Variants in DDO observed in about 807,000 individuals in gnomAD.
DDO encodes the protein D-aspartate oxidase, DDO.
DDO carries 16 observed loss-of-function variants against 16.8 expected under a neutral mutation model. The observed-to-expected ratio is 0.95, with a 90% CI of 0.65 to 1.45. The LOEUF (loss-of-function observed/expected upper bound fraction) is 1.45, where lower values mean the gene tolerates loss of function less well. DDO is among the 40% of genes most tolerant of loss of function. The pLI is 0.00. For synonymous variants in DDO, 180 were observed against 167.2 expected (o/e 1.08, Z -0.59); for missense variants, 429 against 420.3 (o/e 1.02, Z -0.18).
chr6:110,392,524 G>A lies in DDO; in HGVS notation c.*251C>T, dbSNP rs1267195841. On this transcript the variant is annotated 3_prime_UTR_variant, in exon 5 of 5. Transcript: ENST00000368924. ...TTGTTGGTGTTTTTTTTAGAGGTGGGAACTGGCACCTCTAAAAAATGTTAC... is the reference window on the plus strand; with the variant it reads ...TTGTTGGTGTTTTTTTTAGAGGTGGAAACTGGCACCTCTAAAAAATGTTAC... The A allele has an allele frequency of 1.7e-6, 2 of 1,185,778 alleles. No individual in the cohort carries two copies. Among genetic ancestry groups the A allele is most frequent in the Non-Finnish European group, 2.1e-6 (2 of 959,680 alleles). 73.5% of individuals were successfully genotyped at this position (1,185,778 alleles called of 1,614,324 possible).
chr6:110,401,118 G>A lies in DDO; in HGVS notation c.458+3656C>T, dbSNP rs143176421. On this transcript the variant is annotated intron_variant, in intron 4 of 4. Coordinates refer to ENST00000368924, the MANE Select transcript of DDO (RefSeq NM_001372108.2). ...TATGGATAGAGCGAGGGTGCTTCCC[G>A]GCATGCTCCTGGGCCCCTTTGCTGC... Among the ~76,000 whole-genome samples, 7 of 152,334 alleles carry A rather than the reference G, an allele frequency of 4.6e-5. 1 individual carries two copies. The highest frequency in any genetic ancestry group is 1.7e-4 in the African/African-American group (7 of 41,566).
intron 4 of DDO, among the ~76,000 whole-genome samples, chr6:110,394,805 C>T (rs1195746259): frequency 6.6e-6 from 1 of 152,222 alleles, no homozygotes. Flanking sequence ...AGGATACCTC[C>T]CTTGCCTGTC....
rs781366208 is a variant in DDO, at chr6:110,404,803, G to A, written c.429C>T (p.Cys143=). ...TCTCCAACCACGGGAGGTAGGCAGG[G>A]CATTCACATTTCAGGGTTGTAAAAG... ...GQAFTTLKCE[C]PAYLPWLEKR... The change falls in exon 4 of 5, where the codon TGC becomes TGT. Residue 143 remains cysteine (C), a synonymous_variant. Coordinates refer to ENST00000368924, the MANE Select transcript of DDO (RefSeq NM_001372108.2). The A allele has an allele frequency of 1.9e-6, 3 of 1,614,116 alleles. No individual in the cohort carries two copies. Among genetic ancestry groups the A allele is most frequent in the South Asian group, 2.2e-5 (2 of 91,076 alleles).
intron 4 of DDO, among the ~76,000 whole-genome samples, chr6:110,396,785 G>A (rs1196144617): frequency 1.3e-5 from 2 of 152,156 alleles, no homozygotes; most frequent in African/African-American, 4.8e-5. Context: ...GGGACAGATT[G>A]TTTTTGGCTC....
chr6:110,392,909 G>A lies in DDO; in HGVS notation c.892C>T (p.Leu298=), dbSNP rs1339407496. Reference sequence around the variant, plus strand: ...TGGCCATAGTGGTGGACTACAGGCAGCCTCTGTCCATCTCGCGCAAGGAGC... The same window carrying A: ...TGGCCATAGTGGTGGACTACAGGCAACCTCTGTCCATCTCGCGCAAGGAGC... ...TELLARDGQR[L]PVVHHYGHGS... The change falls in exon 5 of 5, where the codon CTG becomes TTG. Residue 298 remains leucine, a synonymous_variant. Transcript: ENST00000368924. 4 of 1,614,140 alleles carry A rather than the reference G, an allele frequency of 2.5e-6. No individual in the cohort carries two copies. The highest frequency in any genetic ancestry group is 1.3e-5 in the African/African-American group (1 of 74,952).
intron 3 of DDO, 76 bp from the exon 4 acceptor site, chr6:110,405,026 C>A: frequency 1.5e-6 from 2 of 1,344,844 alleles, no homozygotes; most frequent in South Asian, 1.3e-5. Flanking sequence ...ACATGACATT[C>A]TCTAGAGCAT....
Position 110,404,795 on chromosome 6 carries a change from T to C in DDO, c.437A>G (p.Tyr146Cys), listed in dbSNP as rs1395837871. ...TGACCTTTTCTCCAACCACGGGAGGTAGGCAGGGCATTCACATTTCAGGGT... is the reference window on the plus strand; with the variant it reads ...TGACCTTTTCTCCAACCACGGGAGGCAGGCAGGGCATTCACATTTCAGGGT... ...FTTLKCECPA[Y>C]LPWLEKRIKG... Residue 146 changes from tyrosine to cysteine, a missense_variant, in exon 4 of 5, where the codon TAC becomes TGC. Tyr to Cys is a radical substitution (Grantham distance 194). Transcript: ENST00000368924. 6.2e-7 allele frequency: 1 copy of C among 1,613,882 alleles called. No individual in the cohort carries two copies. The highest frequency in any genetic ancestry group is 1.7e-5 in the Admixed American group (1 of 59,994).
intron 4 of DDO, among the ~76,000 whole-genome samples, chr6:110,400,180 G>T (rs1002482896): frequency 3.3e-5 from 5 of 152,244 alleles, no homozygotes; most frequent in African/African-American, 1.2e-4. Context: ...ACACAGAGAT[G>T]ATGGAACTAC....
chr6:110,402,926 G>A (rs1326652336), intron 4 of DDO, among the ~76,000 whole-genome samples: 1 of 152,052 alleles, frequency 6.6e-6, no homozygotes, highest in Non-Finnish European at 1.5e-5. Context: ...GAGACCACAG[G>A]GCTCCAGCCA....
intron 3 of DDO, among the ~76,000 whole-genome samples, chr6:110,407,646 A>T (rs2114834247): frequency 6.6e-6 from 1 of 152,354 alleles, no homozygotes; most frequent in Non-Finnish European, 1.5e-5. Flanking sequence ...GATGACACTG[A>T]GAAGTAAATT....
rs765654047 is a variant in DDO at position 110,392,880 on chromosome 6, C to T, written c.921G>A (p.Gly307=). Residue 307 remains glycine (G), a synonymous_variant, in exon 5 of 5, where the codon GGG becomes GGA. Transcript: ENST00000368924. ...RLPVVHHYGH[G]SGGISVHWGT... ...CCCAGTGCACTGAGATGCCCCCACT[C>T]CCATGGCCATAGTGGTGGACTACAG... The T allele has an allele frequency of 7.4e-6, 12 of 1,614,094 alleles. No homozygotes were observed. The highest frequency in any genetic ancestry group is 1.0e-5 in the Non-Finnish European group (12 of 1,180,046).
At chr6:110,389,725 A>G (rs1351680023), downstream of DDO, among the ~76,000 whole-genome samples, 1 of 152,150 alleles carries the variant, frequency 6.6e-6, no homozygotes, top group Admixed American at 6.5e-5. Context: ...GTGGGGGCAA[A>G]AATTAGGGAT....
chr6:110,410,995 G>A (rs1773837364), intron 2 of DDO, among the ~76,000 whole-genome samples: 1 of 152,092 alleles, frequency 6.6e-6, no homozygotes, highest in Admixed American at 6.6e-5. Context: ...ACCAGCAAAG[G>A]CAGGGATGCC....
chr6:110,414,204 T>C (rs1411932052), intron 1 of DDO, among the ~76,000 whole-genome samples: 1 of 152,172 alleles, frequency 6.6e-6, no homozygotes, highest in Non-Finnish European at 1.5e-5. Flanking sequence ...CATGAGCAAC[T>C]CAAAACTCAA....
chr6:110,390,282 A>T (rs537050284), downstream of DDO, among the ~76,000 whole-genome samples: 81 of 152,324 alleles, frequency 5.3e-4, 2 homozygotes, highest in South Asian at 3.1e-3. Flanking sequence ...AACTTTGTGG[A>T]CAGCTTTAAG....
intron 4 of DDO, among the ~76,000 whole-genome samples, chr6:110,403,475 AAT>A (rs1773549218): frequency 6.6e-6 from 1 of 152,160 alleles, no homozygotes; most frequent in Non-Finnish European, 1.5e-5. Context: ...GATAGCTCAA[AAT>A]ATACGTTTAT....
Position 110,392,989 on chromosome 6 carries a change from A to C in DDO, c.812T>G (p.Ile271Ser). ...LEPSLHGACN[I>S]REKVGLRPYR... is the part of the protein sequence containing the mutation. ...GGGCCTCAAGCCCACCTTCTCCCTG[A>C]TGTTGCAGGCTCCGTGGAGGGAGGG... Residue 271 changes from isoleucine (I) to serine (S), a missense_variant, in exon 5 of 5, where the codon ATC (isoleucine) becomes AGC (serine). Transcript: ENST00000368924. 4 of 1,612,118 alleles carry C rather than the reference A, an allele frequency of 2.5e-6. No homozygotes were observed. The highest frequency in any genetic ancestry group is 3.4e-6 in the Non-Finnish European group (4 of 1,178,272).
rs148396640 is a variant in DDO at position 110,392,923 on chromosome 6, C to T, written c.878G>A (p.Arg293Gln). The T allele has an allele frequency of 5.9e-4, 953 of 1,614,246 alleles. 4 individuals carry two copies. In the African/African-American group the frequency reaches 0.011, roughly 18 times the overall value. ...GACTACAGGCAGCCTCTGTCCATCT[C>T]GCGCAAGGAGCTCTGTCTGCAGTCG... is the stretch of plus-strand genomic sequence containing the variant. ...GVRLQTELLA[R>Q]DGQRLPVVHH... Residue 293 changes from arginine to glutamine, a missense_variant, in exon 5 of 5, where the codon CGA becomes CAA. Physicochemically the swap from Arg to Gln is conservative, Grantham distance 43 (BLOSUM62 1). Coordinates refer to ENST00000368924, the MANE Select transcript of DDO (RefSeq NM_001372108.2).
downstream of DDO, among the ~76,000 whole-genome samples, chr6:110,389,033 A>C (rs1773059086): frequency 1.3e-5 from 2 of 152,258 alleles, no homozygotes; most frequent in Admixed American, 6.5e-5. Context: ...CTGGGTGTAT[A>C]TATGAGGATA....
Sources: allele counts gnomAD v4.1 joint callset (sites outside exome capture counted in the v4.1 genomes callset), GRCh38; gene constraint gnomAD v4.1.1; transcripts MANE v1.5; gene names NCBI Gene and HGNC (gene_info 2026-07-23, HGNC 2026-07-21).